Variants in PDCD11 observed in about 807,000 individuals in gnomAD.
The protein encoded by PDCD11 is protein RRP5 homolog.
In PDCD11, 97 loss-of-function variants were observed where a neutral mutation model predicts 198.9. That is an observed-to-expected ratio of 0.49 (90% confidence interval 0.41 to 0.58). PDCD11 has a LOEUF of 0.58. Ranked by LOEUF, PDCD11 falls within the 20% of genes least tolerant of loss-of-function variation. The pLI, the probability that PDCD11 is intolerant of heterozygous loss-of-function variation, is 0.00. For missense variants in PDCD11, 2,102 were observed against 2,312.7 expected, an observed-to-expected ratio of 0.91 and a Z score of 1.87; for synonymous variants, 893 against 918.0, an observed-to-expected ratio of 0.97 and a Z score of 0.49.
chr10:103,432,931 C>T (rs992300013), intron 22 of PDCD11, among the ~76,000 whole-genome samples: 1 of 152,178 alleles, frequency 6.6e-6, no homozygotes, highest in African/African-American at 2.4e-5. Flanking sequence ...TTTATTCATG[C>T]TGGTTTCTAC....
At chr10:103,443,691 C>T (rs1420846888) in intron 33 of PDCD11, among the ~76,000 whole-genome samples, 1 of 152,202 alleles carries the variant, frequency 6.6e-6, no homozygotes, top group Non-Finnish European at 1.5e-5. Context: ...ACCGCCCTCC[C>T]ATGGGTGCGG....
chr10:103,399,087 T>G (rs981814799), intron 2 of PDCD11, among the ~76,000 whole-genome samples: 10 of 151,574 alleles, frequency 6.6e-5, no homozygotes, highest in Admixed American at 2.6e-4. Flanking sequence ...GCCATGTTGA[T>G]TAAGGATGGA....
intron 3 of PDCD11, among the ~76,000 whole-genome samples, chr10:103,402,190 C>T (rs770287981): frequency 3.4e-4 from 51 of 152,188 alleles, no homozygotes; most frequent in Non-Finnish European, 6.0e-4. Context: ...GGCATGGTCA[C>T]TCCAGACTGC....
Position 103,439,916 on chromosome 10 carries a change from C to G in PDCD11, c.4148+48C>G, listed in dbSNP as rs1210088923. ...TCTCTCTGTAATGTGAATCAAACCCCTTTCTCCAGGAGCCCTGGGAGGAGA... is the reference window on the plus strand; with the variant it reads ...TCTCTCTGTAATGTGAATCAAACCCGTTTCTCCAGGAGCCCTGGGAGGAGA... On this transcript the variant is annotated intron_variant, in intron 28 of 35. Coordinates refer to ENST00000369797, the MANE Select transcript of PDCD11 (RefSeq NM_014976.2). 4.3e-6 allele frequency: 7 copies of G among 1,610,702 alleles called. No individual in the cohort carries two copies. In the East Asian group the frequency reaches 1.1e-4, roughly 26 times the overall value.
intron 15 of PDCD11, 123 bp downstream of exon 15, chr10:103,418,757 T>C (rs1372658662): frequency 2.6e-6 from 2 of 760,814 alleles, no homozygotes; most frequent in African/African-American, 3.5e-5. Flanking sequence ...ACCAAACCAG[T>C]GATGAAGCCT....
At position 103,439,883 on chromosome 10, in the gene PDCD11, G is replaced by C. The variant is rs201679251; in HGVS notation, c.4148+15G>C. ...AGGGTCCTACGGTAGGTGCCTTCCC[G>C]TTCTCTCTCTCTCTGTAATGTGAAT... On this transcript the variant is annotated intron_variant, in intron 28 of 35. Coordinates refer to ENST00000369797, the MANE Select transcript of PDCD11 (RefSeq NM_014976.2). 3 of 1,613,744 alleles carry C rather than the reference G, an allele frequency of 1.9e-6. No individual in the cohort carries two copies. In the African/African-American group the frequency reaches 4.0e-5, roughly 22 times the overall value.
At chr10:103,411,507 G>T (rs915475071) in intron 8 of PDCD11, among the ~76,000 whole-genome samples, 1 of 151,748 alleles carries the variant, frequency 6.6e-6, no homozygotes, top group Non-Finnish European at 1.5e-5. Context: ...CTGGGACTAC[G>T]GATGCATGCC....
intron 21 of PDCD11, 135 bp from the exon 22 acceptor site, chr10:103,431,994 G>A (rs1472595163): frequency 1.6e-6 from 1 of 612,830 alleles, no homozygotes; most frequent in Non-Finnish European, 3.0e-6. Flanking sequence ...TTTGAGGAGA[G>A]AAACGGCCTT....
intron 21 of PDCD11, among the ~76,000 whole-genome samples, chr10:103,428,321 A>AAC (rs397959929): frequency 2.0e-5 from 3 of 151,138 alleles, no homozygotes; most frequent in Non-Finnish European, 2.9e-5. Context: ...AAAAAAAAAA[A>AAC]CACAAAGTAA....
chr10:103,428,775 C>T (rs2031805736), intron 21 of PDCD11, among the ~76,000 whole-genome samples: 1 of 152,080 alleles, frequency 6.6e-6, no homozygotes, highest in Non-Finnish European at 1.5e-5. Flanking sequence ...ATGGTATGAG[C>T]CAGAGTGGGG....
intron 25 of PDCD11, among the ~76,000 whole-genome samples, 191 bp downstream of exon 25, chr10:103,435,166 T>C (rs1400610071): frequency 6.6e-6 from 1 of 152,152 alleles, no homozygotes; most frequent in African/African-American, 2.4e-5. Context: ...TTCTAGACTT[T>C]AATGCATATA....
In PDCD11 at chr10:103,445,447, CCTGGACT is replaced by C; in HGVS notation, c.5515_5521del (p.Leu1839ThrfsTer29). Reference sequence around the variant, plus strand: ...GAATGAAGTTCTTCTTCAAGCGCTACCTGGACTACGAGAAGCAGCATGGCACTGAGAA... The same window carrying C: ...GAATGAAGTTCTTCTTCAAGCGCTACACGAGAAGCAGCATGGCACTGAGAA... On this transcript the variant is annotated frameshift_variant, in exon 36 of 36. Coordinates refer to ENST00000369797, the MANE Select transcript of PDCD11 (RefSeq NM_014976.2). LOFTEE classifies it high-confidence loss of function. The C allele has an allele frequency of 6.2e-7, 1 of 1,614,140 alleles. No individual in the cohort carries two copies. The highest frequency in any genetic ancestry group is 8.5e-7 in the Non-Finnish European group (1 of 1,180,008).
intron 2 of PDCD11, 93 bp from the exon 3 acceptor site, chr10:103,400,304 A>G (rs1022659552): frequency 7.4e-6 from 9 of 1,209,620 alleles, no homozygotes; most frequent in Non-Finnish European, 1.0e-5. Context: ...AGGAGTAACA[A>G]AGCAAGGTGA....
chr10:103,422,997 T>A lies in PDCD11; in HGVS notation c.2507T>A (p.Leu836Ter). ...RSLMSNRDSV[L>*]IQTLAEMTPG... ...TTTGGATCTCTGGCAGACTCTGTGT[T>A]GATCCAGACGCTGGCCGAGATGACC... Residue 836 changes from leucine to a stop codon, truncating the protein, a stop_gained, in exon 18 of 36, where the codon TTG becomes TAG. Transcript: ENST00000369797. LOFTEE classifies it high-confidence loss of function. 1 of 1,551,952 alleles carries A rather than the reference T, an allele frequency of 6.4e-7. No individual in the cohort carries two copies. Among genetic ancestry groups the A allele is most frequent in the Non-Finnish European group, 8.7e-7 (1 of 1,150,604 alleles).
At chr10:103,421,277 C>T in intron 16 of PDCD11, 71 bp from the exon 17 acceptor site, 4 of 1,270,160 alleles carry the variant, frequency 3.1e-6, no homozygotes, top group Admixed American at 2.0e-5. Context: ...TACCCCTTTC[C>T]AGGAACATCA....
chr10:103,398,278 A>C, intron 1 of PDCD11, 138 bp from the exon 2 acceptor site: 1 of 618,206 alleles, frequency 1.6e-6, no homozygotes, highest in East Asian at 2.7e-5. Flanking sequence ...CGGGCCTGAC[A>C]TCTAAACCAT....
intron 15 of PDCD11, 39 bp from the exon 16 acceptor site, chr10:103,419,499 C>T (rs2031301786): frequency 1.9e-6 from 3 of 1,590,134 alleles, no homozygotes; most frequent in Middle Eastern, 1.7e-4. Context: ...GACATTTCAT[C>T]TGCCCTTTCT....
intron 3 of PDCD11, among the ~76,000 whole-genome samples, chr10:103,402,271 A>G (rs1172433180): frequency 6.6e-6 from 1 of 152,142 alleles, no homozygotes; most frequent in Non-Finnish European, 1.5e-5. Flanking sequence ...TGCTCAGAAT[A>G]ATGTAAAAGG....
intron 20 of PDCD11, 74 bp from the exon 21 acceptor site, chr10:103,427,255 G>A: frequency 7.5e-7 from 1 of 1,333,400 alleles, no homozygotes; most frequent in Non-Finnish European, 1.1e-6. Context: ...GTGGAGAGTA[G>A]GGAGAAATCC....
Sources: gnomAD v4.1 joint callset for allele counts (sites outside exome capture counted in the v4.1 genomes callset) on GRCh38, gnomAD v4.1.1 for gene constraint, MANE v1.5 for transcripts, NCBI Gene and HGNC (gene_info 2026-07-23, HGNC 2026-07-21) for gene names.